The following SND1 variants were observed in gnomAD, a reference collection of about 807,000 sequenced individuals.
The protein encoded by SND1 is staphylococcal nuclease domain-containing protein 1.
SND1 carries 38 observed loss-of-function variants against 121.7 expected under a neutral mutation model. The observed-to-expected ratio is 0.31, with a 90% CI of 0.24 to 0.41. SND1 has a LOEUF of 0.41. Ranked by LOEUF, SND1 falls within the 10% of genes least tolerant of loss-of-function variation. SND1 has a pLI of 1.00. For synonymous variants in SND1, 401 were observed against 447.4 expected, an observed-to-expected ratio of 0.90 and a Z score of 1.31; for missense variants, 868 against 1,184.6, an observed-to-expected ratio of 0.73 and a Z score of 3.92.
intron 16 of SND1, among the ~76,000 whole-genome samples, chr7:128,010,019 T>A (rs1253105859): frequency 1.3e-5 from 2 of 152,168 alleles, no homozygotes; most frequent in Admixed American, 1.3e-4. Flanking sequence ...GATCACAGAC[T>A]GCGGAGTCGT....
chr7:128,071,018 C>T (rs1019098537), intron 16 of SND1, among the ~76,000 whole-genome samples: 1 of 152,182 alleles, frequency 6.6e-6, no homozygotes, highest in Non-Finnish European at 1.5e-5. Flanking sequence ...GTCCTTCTCA[C>T]AATCTATTTA....
intron 14 of SND1, among the ~76,000 whole-genome samples, chr7:127,916,624 A>G (rs181765080): frequency 6.6e-5 from 10 of 152,328 alleles, no homozygotes; most frequent in Non-Finnish European, 1.5e-5. Flanking sequence ...ACAGACTTTA[A>G]AACGTTGCCG....
At chr7:127,973,467 G>A (rs913470997) in intron 15 of SND1, among the ~76,000 whole-genome samples, 3 of 152,190 alleles carry the variant, frequency 2.0e-5, no homozygotes, top group Non-Finnish European at 4.4e-5. Context: ...GGCTTAGATT[G>A]AGAAGAGGTA....
Position 128,085,879 on chromosome 7 carries a change from T to C in SND1, c.2304+99T>C, listed in dbSNP as rs1280279140. 1.9e-6 allele frequency: 2 copies of C among 1,039,912 alleles called. No homozygotes were observed. Among genetic ancestry groups the C allele is most frequent in the Non-Finnish European group, 1.5e-6 (1 of 672,946 alleles). 64.4% of individuals were successfully genotyped at this position (1,039,912 alleles called of 1,614,324 possible). The stretch of plus-strand genomic sequence containing the variant: ...TCCAAGGTCCCTCTGAGCTTACCAA[T>C]AGAACAATGAGCATTGGGGCATCTC... On this transcript the variant is annotated intron_variant, in intron 20 of 23. Coordinates refer to ENST00000354725, the MANE Select transcript of SND1 (RefSeq NM_014390.4). The surrounding 1 kb of genome is among the most constrained non-coding windows in gnomAD (Gnocchi z 4.4).
chr7:127,771,922 TA>T (rs1797518891), intron 10 of SND1, among the ~76,000 whole-genome samples: 3 of 152,220 alleles, frequency 2.0e-5, no homozygotes, highest in Admixed American at 6.5e-5. Flanking sequence ...CTGGGCCATC[TA>T]TTTAAAAAGA....
intron 21 of SND1, among the ~76,000 whole-genome samples, chr7:128,087,627 G>C (rs1393179988): frequency 6.6e-6 from 1 of 152,204 alleles, no homozygotes; most frequent in Non-Finnish European, 1.5e-5. Context: ...GCGAATTTGG[G>C]CAGTGGGACC....
intron 16 of SND1, among the ~76,000 whole-genome samples, chr7:128,003,215 A>G (rs1445615976): frequency 6.6e-6 from 1 of 152,236 alleles, no homozygotes; most frequent in Admixed American, 6.5e-5. Flanking sequence ...TCCAAAAAAA[A>G]GAAGAAAAAA....
intron 15 of SND1, among the ~76,000 whole-genome samples, chr7:127,959,727 G>A (rs1433378220): frequency 1.3e-5 from 2 of 152,092 alleles, no homozygotes; most frequent in African/African-American, 2.4e-5. Flanking sequence ...TGGCTTGTCT[G>A]TCTCTCTCCA....
chr7:128,032,325 C>T (rs1247224470), intron 16 of SND1, among the ~76,000 whole-genome samples: 3 of 151,346 alleles, frequency 2.0e-5, no homozygotes, highest in Non-Finnish European at 4.4e-5. Context: ...CCCCTCCCCC[C>T]TCCCCGGGCC....
At chr7:127,734,128 G>T (rs962297502) in intron 10 of SND1, among the ~76,000 whole-genome samples, 5 of 152,024 alleles carry the variant, frequency 3.3e-5, no homozygotes, top group African/African-American at 9.7e-5. Context: ...TCTTTTCTGA[G>T]CCAGACTTTA....
intron 10 of SND1, among the ~76,000 whole-genome samples, chr7:127,730,187 C>G (rs1796650450): frequency 6.6e-6 from 1 of 152,202 alleles, no homozygotes. Flanking sequence ...AGGCTGGTCT[C>G]AAACTCCGAC....
chr7:128,031,443 C>T (rs1177721395), intron 16 of SND1: 1 of 151,800 alleles, frequency 6.6e-6, no homozygotes, highest in African/African-American at 2.4e-5. Flanking sequence ...CGGTCGTGAG[C>T]TCGCGGAGCG....
intron 16 of SND1, among the ~76,000 whole-genome samples, chr7:128,059,521 G>A (rs138829551): frequency 1.3e-5 from 2 of 152,296 alleles, no homozygotes; most frequent in African/African-American, 4.8e-5. Flanking sequence ...ATACATGCAC[G>A]TTCTCTCAAC....
intron 16 of SND1, among the ~76,000 whole-genome samples, chr7:128,017,384 C>T (rs1432819503): frequency 1.3e-5 from 2 of 152,188 alleles, no homozygotes; most frequent in Non-Finnish European, 2.9e-5. Context: ...GAGGGGGCTA[C>T]GTAAGTACAA....
chr7:128,013,240 T>C (rs1803153633), intron 16 of SND1, among the ~76,000 whole-genome samples: 1 of 152,034 alleles, frequency 6.6e-6, no homozygotes, highest in African/African-American at 2.4e-5. Flanking sequence ...CTCTCCAGAG[T>C]GCTCCCCCTT....
At chr7:127,924,422 C>T (rs1309457920) in intron 14 of SND1, among the ~76,000 whole-genome samples, 1 of 152,096 alleles carries the variant, frequency 6.6e-6, no homozygotes, top group Non-Finnish European at 1.5e-5. Flanking sequence ...TAGTCTATTC[C>T]CATTTTCCCA....
chr7:128,002,459 GATA>G (rs954040954), intron 16 of SND1, among the ~76,000 whole-genome samples: 25 of 152,296 alleles, frequency 1.6e-4, no homozygotes, highest in African/African-American at 5.8e-4. Context: ...AAGGTCTGGA[GATA>G]ATGCCAGCAA....
chr7:127,680,202 A>C (rs1354831456), intron 1 of SND1, among the ~76,000 whole-genome samples: 1 of 152,166 alleles, frequency 6.6e-6, no homozygotes, highest in Non-Finnish European at 1.5e-5. Context: ...CACGTACTTC[A>C]CAAGGTAATA....
At chr7:127,702,588 C>G in intron 6 of SND1, 62 bp downstream of exon 6, 1 of 1,342,186 alleles carries the variant, frequency 7.5e-7, no homozygotes. Context: ...GTGATGGATT[C>G]TTCTACTTGG....
Sources: gnomAD v4.1 joint callset for allele counts (sites outside exome capture counted in the v4.1 genomes callset) on GRCh38, gnomAD v4.1.1 for gene constraint, Gnocchi (gnomAD v3.1) non-coding constraint, MANE v1.5 for transcripts, NCBI Gene and HGNC (gene_info 2026-07-23, HGNC 2026-07-21) for gene names.